PROM1: variants seen among roughly 807,000 people sequenced by gnomAD.
PROM1 encodes the protein prominin 1.
PROM1 carries 105 observed loss-of-function variants against 116.9 expected under a neutral mutation model. The ratio of observed to expected loss-of-function variants is 0.90; its 90% confidence interval spans 0.77 to 1.06. The LOEUF is 1.06. Ranked by LOEUF, PROM1 falls within the 50% of genes least tolerant of loss-of-function variation. The probability of loss-of-function intolerance (pLI) is 0.00; values close to 1 mark genes in which losing one functional copy is unlikely to be tolerated. For synonymous variants in PROM1, 393 were observed against 387.0 expected, an observed-to-expected ratio of 1.02 and a Z score of -0.18; for missense variants, 1,122 against 1,045.2, an observed-to-expected ratio of 1.07 and a Z score of -1.01.
intron 2 of PROM1, 70 bp downstream of exon 2, chr4:16,075,617 T>G: frequency 7.1e-7 from 1 of 1,398,784 alleles, no homozygotes; most frequent in Non-Finnish European, 9.8e-7. Flanking sequence ...TTGATTGCAT[T>G]GACATTAAAA....
chr4:15,999,270 G>A (rs112514140), intron 14 of PROM1, among the ~76,000 whole-genome samples: 4,038 of 152,028 alleles, frequency 0.027, 186 homozygotes, highest in African/African-American at 0.093. Flanking sequence ...AGGAGATCGA[G>A]ACCATCCTGG....
At chr4:15,974,774 T>G (rs1715678297) in intron 26 of PROM1, among the ~76,000 whole-genome samples, 1 of 151,748 alleles carries the variant, frequency 6.6e-6, no homozygotes, top group Non-Finnish European at 1.5e-5. Flanking sequence ...TCAGCCAGAG[T>G]CTTTTCTAGA....
rs1174298048 is a variant in PROM1 at position 16,075,755 on chromosome 4, G to A, written c.152C>T (p.Pro51Leu). Residue 51 changes from proline to leucine, a missense_variant, in exon 2 of 28, where the codon CCC becomes CTC. Transcript: ENST00000447510. ...YETQDSHKAG[P>L]IGILFELVHI... ...CACTAGTTCAAAGAGAATGCCAATG[G>A]GTCCAGCTTTATGGGAGTCTTGGGT... 31 of 1,613,696 alleles carry A rather than the reference G, an allele frequency of 1.9e-5. No homozygotes were observed. Among genetic ancestry groups the A allele is most frequent in the Non-Finnish European group, 2.5e-5 (30 of 1,179,854 alleles).
intron 2 of PROM1, among the ~76,000 whole-genome samples, chr4:16,058,901 T>C (rs1014262754): frequency 2.0e-5 from 3 of 152,186 alleles, no homozygotes; most frequent in African/African-American, 7.2e-5. Flanking sequence ...AGCCCAGCTC[T>C]TAACTCTGGA....
At chr4:15,992,895 C>A (rs1015701111) in intron 16 of PROM1, among the ~76,000 whole-genome samples, 3 of 152,102 alleles carry the variant, frequency 2.0e-5, no homozygotes, top group Non-Finnish European at 2.9e-5. Flanking sequence ...GTTACTTGGG[C>A]AAAGATTATG....
Position 16,083,975 on chromosome 4 carries a change from C to T in PROM1, c.-213+3G>A, listed in dbSNP as rs1374606083. 2.0e-5 allele frequency: 3 copies of T among 152,300 alleles called. No individual in the cohort carries two copies. The highest frequency in any genetic ancestry group is 4.8e-5 in the African/African-American group (2 of 41,460). The allele number at this position is 152,300 out of a possible 1,614,324, so 9.4% of individuals were successfully genotyped here. A position where few individuals can be genotyped will look rare whatever the true frequency, so the allele number is the denominator to read the frequency against. On this transcript the variant is annotated splice_donor_region_variant and intron_variant, in intron 1 of 27. Coordinates refer to ENST00000447510, the MANE Select transcript of PROM1 (RefSeq NM_006017.3). Reference sequence around the variant, plus strand: ...ATGGAAAGGATTCCTTAAACATACTCACCGCGGCGGGAGAGCTGAGAGCAT... The same window carrying T: ...ATGGAAAGGATTCCTTAAACATACTTACCGCGGCGGGAGAGCTGAGAGCAT...
At chr4:15,986,184 G>C (rs7688123) in intron 20 of PROM1, 147 bp from the exon 21 acceptor site, 570,530 of 572,570 alleles carry the variant, frequency 1, 284,266 homozygotes, top group East Asian at 1. Flanking sequence ...ACCCACCCAG[G>C]CCCCTGAGGG....
At position 16,016,647 on chromosome 4, in the gene PROM1, T is replaced by C. The variant is rs115049068; in HGVS notation, c.1003-407A>G. On this transcript the variant is annotated intron_variant, in intron 9 of 27. Coordinates refer to ENST00000447510, the MANE Select transcript of PROM1 (RefSeq NM_006017.3). ...GTTTTTCCACTTACAGTATTATATA[T>C]GGATTTGAAGTTCTCTAGCTCCTAC... Among the ~76,000 whole-genome samples the C allele has an allele frequency of 1.7e-3, 262 of 152,318 alleles. 1 individual carries two copies. The highest frequency in any genetic ancestry group is 3.3e-3 in the Non-Finnish European group (222 of 68,026).
intron 5 of PROM1, 103 bp downstream of exon 5, chr4:16,033,201 T>C (rs968555935): frequency 1.1e-5 from 11 of 1,011,446 alleles, no homozygotes; most frequent in Non-Finnish European, 1.6e-5. Flanking sequence ...TTTTTCATTG[T>C]TGCTATTTTG....
chr4:15,987,561 T>C lies in PROM1; in HGVS notation c.2130+102A>G, dbSNP rs1008094883. ...TAAAATAGGTAGATAACTGAGGCTT[T>C]TTTTTTCAACTTAAAGTACCTACAA... On this transcript the variant is annotated intron_variant, in intron 20 of 27. Coordinates refer to ENST00000447510, the MANE Select transcript of PROM1 (RefSeq NM_006017.3). 8.0e-6 allele frequency: 10 copies of C among 1,249,814 alleles called. No individual in the cohort carries two copies. In the African/African-American group the frequency reaches 1.4e-4, roughly 17 times the overall value. The allele number at this position is 1,249,814 out of a possible 1,614,324, so 77.4% of individuals were successfully genotyped here. A position where few individuals can be genotyped will look rare whatever the true frequency, so the allele number is the denominator to read the frequency against.
chr4:15,983,835 C>G (rs1292463033), intron 23 of PROM1, among the ~76,000 whole-genome samples: 2 of 152,168 alleles, frequency 1.3e-5, no homozygotes, highest in African/African-American at 4.8e-5. Flanking sequence ...GAGGAGGGAA[C>G]AGAGCTGAGG....
At chr4:15,976,357 C>A (rs3796858) in intron 26 of PROM1, among the ~76,000 whole-genome samples, 34,646 of 152,166 alleles carry the variant, frequency 0.23, 4,871 homozygotes, top group Non-Finnish European at 0.3. Context: ...GCTGTTCCAG[C>A]AATGTGAGTA....
chr4:16,047,100 C>T (rs1045464400), intron 2 of PROM1, among the ~76,000 whole-genome samples: 9 of 152,254 alleles, frequency 5.9e-5, no homozygotes, highest in South Asian at 4.1e-4. Flanking sequence ...TAGGAGTGGA[C>T]GCTACAGTCT....
rs1378775986 is a variant in PROM1 at position 16,033,331 on chromosome 4, G to C, written c.482C>G (p.Ser161Cys). The stretch of plus-strand genomic sequence containing the variant: ...TATTATTATACAAATCACCAACAGG[G>C]AGATTGCAAAGCATTTCCTCAGGAA... ...GPFLRKCFAI[S>C]LLVICIIISI... Residue 161 changes from serine to cysteine, a missense_variant, in exon 5 of 28, where the codon TCC (serine) becomes TGC (cysteine). Coordinates refer to ENST00000447510, the MANE Select transcript of PROM1 (RefSeq NM_006017.3). The C allele has an allele frequency of 6.2e-7, 1 of 1,613,620 alleles. No homozygotes were observed. Among genetic ancestry groups the C allele is most frequent in the Middle Eastern group, 1.7e-4 (1 of 6,060 alleles).
intron 1 of PROM1, chr4:16,080,129 C>T (rs1475165772): frequency 6.6e-6 from 1 of 151,188 alleles, no homozygotes; most frequent in Non-Finnish European, 1.5e-5. Context: ...GAAGCTGAGC[C>T]TGTAGTGAGC....
chr4:16,025,717 ACG>A (rs909702999), intron 5 of PROM1, among the ~76,000 whole-genome samples: 4 of 115,444 alleles, frequency 3.5e-5, no homozygotes, highest in Non-Finnish European at 5.0e-5. Flanking sequence ...ACACACACAC[ACG>A]CACACACACA....
intron 2 of PROM1, among the ~76,000 whole-genome samples, chr4:16,071,303 T>C (rs1742747078): frequency 6.6e-6 from 1 of 152,188 alleles, no homozygotes; most frequent in Non-Finnish European, 1.5e-5. Context: ...AAATGAAACC[T>C]CTGCTGGAAG....
chr4:16,080,365 A>C (rs1189472472), intron 1 of PROM1, among the ~76,000 whole-genome samples: 4 of 151,064 alleles, frequency 2.6e-5, no homozygotes, highest in Non-Finnish European at 5.9e-5. Flanking sequence ...CTAAAAATAC[A>C]AAAAAAATTA....
At chr4:16,058,573 G>A (rs1739559721) in intron 2 of PROM1, among the ~76,000 whole-genome samples, 2 of 151,636 alleles carry the variant, frequency 1.3e-5, no homozygotes, top group Admixed American at 1.3e-4. Context: ...CCTGAACCCA[G>A]GAGGCAGAGG....
Sources: gnomAD v4.1 joint callset for allele counts (sites outside exome capture counted in the v4.1 genomes callset) on GRCh38, gnomAD v4.1.1 for gene constraint, MANE v1.5 for transcripts, NCBI Gene and HGNC (gene_info 2026-07-23, HGNC 2026-07-21) for gene names.